CLYBL: variants seen among roughly 807,000 people sequenced by gnomAD.
The protein encoded by CLYBL is citramalyl-CoA lyase, mitochondrial.
In CLYBL, 31 loss-of-function variants were observed where a neutral mutation model predicts 38.9. The ratio of observed to expected loss-of-function variants is 0.80; its 90% CI spans 0.60 to 1.08. The LOEUF is 1.08. Ranked by LOEUF, CLYBL falls within the 50% of genes least tolerant of loss-of-function variation. CLYBL has a pLI of 0.00. For synonymous variants in CLYBL, 171 were observed against 158.6 expected (o/e 1.08, Z -0.59); for missense variants, 434 against 411.6 (o/e 1.05, Z -0.47).
chr13:99,710,881 CTTT>C (rs748011707), intron 1 of CLYBL, among the ~76,000 whole-genome samples: 96 of 83,860 alleles, frequency 1.1e-3, no homozygotes, highest in East Asian at 6.9e-3. Flanking sequence ...TTTCTAACCC[CTTT>C]TTTTTTTTTT....
chr13:99,748,010 T>C (rs2048884378), intron 1 of CLYBL, among the ~76,000 whole-genome samples: 1 of 152,178 alleles, frequency 6.6e-6, no homozygotes. Context: ...TAGTACATTA[T>C]GATTATTGTG....
intron 1 of CLYBL, among the ~76,000 whole-genome samples, chr13:99,698,713 A>G (rs561639652): frequency 6.6e-6 from 1 of 152,158 alleles, no homozygotes; most frequent in South Asian, 2.1e-4. Context: ...CTGGAAGATG[A>G]TGAAAGTAAA....
intron 2 of CLYBL, among the ~76,000 whole-genome samples, chr13:99,785,441 T>G (rs1594181487): frequency 6.6e-6 from 1 of 151,796 alleles, no homozygotes; most frequent in African/African-American, 2.4e-5. Flanking sequence ...TTATAAACTT[T>G]AAAACAATTA....
intron 1 of CLYBL, among the ~76,000 whole-genome samples, chr13:99,613,803 A>G (rs547254701): frequency 5.3e-5 from 8 of 152,348 alleles, no homozygotes; most frequent in African/African-American, 1.9e-4. Flanking sequence ...AGTGTTAGAT[A>G]TTTTAAAATG....
At chr13:99,809,290 C>T (rs1424427402) in intron 2 of CLYBL, among the ~76,000 whole-genome samples, 1 of 152,132 alleles carries the variant, frequency 6.6e-6, no homozygotes, top group African/African-American at 2.4e-5. Flanking sequence ...GGTGTTCAGT[C>T]CTTGTTTGCC....
intron 2 of CLYBL, among the ~76,000 whole-genome samples, chr13:99,840,534 A>ACC (rs2051045878): frequency 6.6e-6 from 1 of 151,898 alleles, no homozygotes; most frequent in Admixed American, 6.6e-5. Flanking sequence ...GAGGCAGGGG[A>ACC]ATTGCTTGGG....
chr13:99,677,657 TTA>T (rs1214758207), intron 1 of CLYBL, among the ~76,000 whole-genome samples: 1 of 152,252 alleles, frequency 6.6e-6, no homozygotes, highest in Admixed American at 6.5e-5. Flanking sequence ...GTGACTGTAT[TTA>T]GTTCATGTCA....
intron 2 of CLYBL, among the ~76,000 whole-genome samples, chr13:99,842,877 C>T (rs2051116621): frequency 6.6e-6 from 1 of 152,046 alleles, no homozygotes; most frequent in Non-Finnish European, 1.5e-5. Context: ...TATAAATAGC[C>T]GCTACCCTCC....
In CLYBL at chr13:99,813,364, G is replaced by A. The variant is rs60599383; in HGVS notation, c.249+40354G>A. Among the ~76,000 whole-genome samples, 1,459 of 152,290 alleles carry A rather than the reference G, an allele frequency of 9.6e-3. 37 individuals carry two copies. Among genetic ancestry groups the A allele is most frequent in the East Asian group, 0.081 (418 of 5,174 alleles). ...ACAGTGCCGTCTTCACATGTCAGGG[G>A]TCAAGTGCAAGAACAGTAATACTAG... is the stretch of plus-strand genomic sequence containing the variant. On this transcript the variant is annotated intron_variant, in intron 2 of 8. Coordinates refer to ENST00000339105, the MANE Select transcript of CLYBL (RefSeq NM_206808.5).
chr13:99,662,763 T>A (rs900473289), intron 1 of CLYBL, among the ~76,000 whole-genome samples: 1 of 152,230 alleles, frequency 6.6e-6, no homozygotes, highest in Non-Finnish European at 1.5e-5. Flanking sequence ...TACACCAGTT[T>A]TGGTAAGGGA....
chr13:99,818,784 A>G (rs1247841600), intron 2 of CLYBL, among the ~76,000 whole-genome samples: 1 of 152,212 alleles, frequency 6.6e-6, no homozygotes, highest in Non-Finnish European at 1.5e-5. Context: ...AGTTGCAGTA[A>G]CAGTTTAAAT....
intron 1 of CLYBL, among the ~76,000 whole-genome samples, chr13:99,616,278 G>A (rs111868791): frequency 6.6e-6 from 1 of 151,212 alleles, no homozygotes; most frequent in African/African-American, 2.4e-5. Context: ...TTCTTCCTCA[G>A]TCTCTAGTAG....
At chr13:99,760,288 C>T (rs985632404) in intron 1 of CLYBL, among the ~76,000 whole-genome samples, 5 of 152,170 alleles carry the variant, frequency 3.3e-5, no homozygotes, top group Non-Finnish European at 7.3e-5. Flanking sequence ...TTGATTTTCT[C>T]TGTTGCTTTT....
intron 1 of CLYBL, among the ~76,000 whole-genome samples, chr13:99,744,240 G>A (rs542378500): frequency 1.2e-4 from 19 of 152,096 alleles, no homozygotes; most frequent in African/African-American, 4.6e-4. Context: ...CCAAAGTGCT[G>A]GGATTACAGG....
At chr13:99,835,619 A>G (rs2050917599) in intron 2 of CLYBL, among the ~76,000 whole-genome samples, 1 of 152,226 alleles carries the variant, frequency 6.6e-6, no homozygotes, top group Non-Finnish European at 1.5e-5. Flanking sequence ...TGTCTCTGCC[A>G]CACCCCTGTG....
In CLYBL at chr13:99,891,319, G is replaced by A. The variant is rs769487653; in HGVS notation, c.929G>A (p.Gly310Glu). The A allele has an allele frequency of 2.5e-6, 4 of 1,610,508 alleles. No homozygotes were observed. The highest frequency in any genetic ancestry group is 8.5e-7 in the Non-Finnish European group (1 of 1,176,882). Residue 310 changes from glycine (G) to glutamate (E), a missense_variant and splice_region_variant, in exon 8 of 9, where the codon GGG becomes GAG. Physicochemically the swap from Gly to Glu is moderately conservative, Grantham distance 98. Coordinates refer to ENST00000339105, the MANE Select transcript of CLYBL (RefSeq NM_206808.5). The part of the protein sequence containing the change: ...AFKEHQQLGK[G>E]AFTFQGSMID... ...AAGTTTGTATTCTCTGTTTTCCAGG[G>A]GGCCTTTACTTTCCAAGGGAGTATG...
intron 1 of CLYBL, among the ~76,000 whole-genome samples, chr13:99,700,400 C>T (rs1427463442): frequency 6.6e-6 from 1 of 152,106 alleles, no homozygotes; most frequent in Non-Finnish European, 1.5e-5. Context: ...GCGGAGATCG[C>T]ACCATTGCAC....
At chr13:99,703,603 C>T (rs2048103657) in intron 1 of CLYBL, among the ~76,000 whole-genome samples, 2 of 152,098 alleles carry the variant, frequency 1.3e-5, no homozygotes, top group African/African-American at 2.4e-5. Context: ...CTCCTGACCT[C>T]GTGATCCGCC....
intron 1 of CLYBL, among the ~76,000 whole-genome samples, chr13:99,689,745 A>C (rs968452201): frequency 1.1e-4 from 17 of 150,526 alleles, no homozygotes; most frequent in African/African-American, 3.9e-4. Context: ...AACAAGCTCT[A>C]AAGAGGAGAG....
Sources: gnomAD v4.1 joint callset for allele counts (sites outside exome capture counted in the v4.1 genomes callset) on GRCh38, gnomAD v4.1.1 for gene constraint, MANE v1.5 for transcripts, NCBI Gene and HGNC (gene_info 2026-07-23, HGNC 2026-07-21) for gene names.